RHBDD1: variants seen among roughly 807,000 people sequenced by gnomAD.
RHBDD1 encodes rhomboid-related protein 4.
Under a neutral mutation model 36.3 loss-of-function variants are expected in RHBDD1, and 38 were observed. The observed-to-expected ratio is 1.05, with a 90% confidence interval of 0.81 to 1.37. The LOEUF is 1.37. RHBDD1 is among the 40% of genes most tolerant of loss of function. The pLI is 0.00. For synonymous variants in RHBDD1, 151 were observed against 136.5 expected (o/e 1.11, Z -0.74); for missense variants, 393 against 377.6 (o/e 1.04, Z -0.34).
At chr2:226,821,052 C>T in the RHBDD1 span, among the ~76,000 whole-genome samples, 379 of 152,236 alleles carry the variant, frequency 2.5e-3, 5 homozygotes, top group African/African-American at 8.7e-3. Flanking sequence ...CTTTTTTCCA[C>T]CCAAAGCAGA....
chr2:226,842,643 A>G (rs1000649881), intron 3 of RHBDD1, among the ~76,000 whole-genome samples: 3 of 152,072 alleles, frequency 2.0e-5, no homozygotes, highest in Non-Finnish European at 2.9e-5. Context: ...CCATCTGTCT[A>G]TGTATCTGTT....
intron 8 of RHBDD1, among the ~76,000 whole-genome samples, chr2:226,930,628 AAAAT>A (rs946736772): frequency 1.3e-4 from 20 of 152,244 alleles, no homozygotes; most frequent in Non-Finnish European, 1.5e-5. Flanking sequence ...AACAAAAACA[AAAAT>A]AAATAAATGG....
the RHBDD1 span, among the ~76,000 whole-genome samples, chr2:226,802,891 T>C: frequency 6.6e-6 from 1 of 152,218 alleles, no homozygotes; most frequent in Non-Finnish European, 1.5e-5. Flanking sequence ...AGCTTTAAAA[T>C]TGAGTTATTG....
chr2:226,991,980 C>T (rs906477130), intron 8 of RHBDD1, among the ~76,000 whole-genome samples: 8 of 152,170 alleles, frequency 5.3e-5, no homozygotes, highest in Admixed American at 6.5e-5. Context: ...CATGGGGACA[C>T]CTCCTACCAC....
At chr2:226,865,692 C>T (rs1269909443) in intron 4 of RHBDD1, among the ~76,000 whole-genome samples, 3 of 152,162 alleles carry the variant, frequency 2.0e-5, no homozygotes, top group Non-Finnish European at 4.4e-5. Context: ...AAATAAGGAA[C>T]CCCAAAGAGG....
intron 7 of RHBDD1, among the ~76,000 whole-genome samples, chr2:226,912,497 G>C (rs1265830033): frequency 1.3e-5 from 2 of 152,080 alleles, no homozygotes; most frequent in African/African-American, 4.8e-5. Context: ...TGTGGTATAA[G>C]CCATACAGTG....
In RHBDD1 at chr2:226,908,076, A is replaced by G. The variant is rs150922598; in HGVS notation, c.656-746A>G. The G allele has an allele frequency of 2.6e-5, 4 of 152,358 alleles. No individual in the cohort carries two copies. The East Asian group carries it at 7.7e-4, about 29-fold the overall frequency. The allele number at this position is 152,358 out of a possible 1,614,324, so 9.4% of individuals were successfully genotyped here. A position where few individuals can be genotyped will look rare whatever the true frequency, so the allele number is the denominator to read the frequency against. Reference sequence around the variant, plus strand: ...ATAATATTTAAACTCTTAGTTTTAAAAGCCTTAAAAAATAAGTGGTGACTT... The same window carrying G: ...ATAATATTTAAACTCTTAGTTTTAAGAGCCTTAAAAAATAAGTGGTGACTT... On this transcript the variant is annotated intron_variant, in intron 6 of 8. Coordinates refer to ENST00000392062, the MANE Select transcript of RHBDD1 (RefSeq NM_001167608.3).
intron 8 of RHBDD1, among the ~76,000 whole-genome samples, chr2:226,953,951 G>T (rs1371788265): frequency 6.6e-6 from 1 of 152,126 alleles, no homozygotes; most frequent in Non-Finnish European, 1.5e-5. Context: ...CTCACATGTG[G>T]GAAGAGGGTG....
the RHBDD1 span, among the ~76,000 whole-genome samples, chr2:226,825,294 G>A: frequency 5.6e-4 from 85 of 151,882 alleles, no homozygotes; most frequent in African/African-American, 1.9e-3. Flanking sequence ...CAGAAGTGGC[G>A]GTTGCAGATG....
chr2:226,903,742 A>T (rs1947791721), intron 5 of RHBDD1, among the ~76,000 whole-genome samples: 1 of 152,164 alleles, frequency 6.6e-6, no homozygotes, highest in African/African-American at 2.4e-5. Context: ...GGGAACAGGC[A>T]TTCCTGTTTT....
At chr2:226,853,137 A>G (rs1443570680) in intron 3 of RHBDD1, among the ~76,000 whole-genome samples, 4 of 152,086 alleles carry the variant, frequency 2.6e-5, no homozygotes, top group Non-Finnish European at 5.9e-5. Flanking sequence ...ATGGATGTTG[A>G]GCTAAAATGA....
rs761511526 is a variant in RHBDD1, at chr2:226,914,362, T to C, written c.856+11T>C. The C allele has an allele frequency of 1.2e-6, 2 of 1,608,646 alleles. No homozygotes were observed. Among genetic ancestry groups the C allele is most frequent in the East Asian group, 4.5e-5 (2 of 44,784 alleles). On this transcript the variant is annotated intron_variant, in intron 8 of 8. Transcript: ENST00000392062. ...GCCTCTGGGACCGAGGTAGGAGTCTTGCGCCCTTCAGTTATTTTAAAGCAT... is the reference window on the plus strand; with the variant it reads ...GCCTCTGGGACCGAGGTAGGAGTCTCGCGCCCTTCAGTTATTTTAAAGCAT...
At chr2:226,991,700 A>G (rs1005550799) in intron 8 of RHBDD1, among the ~76,000 whole-genome samples, 5 of 152,156 alleles carry the variant, frequency 3.3e-5, no homozygotes, top group African/African-American at 1.2e-4. Flanking sequence ...TTTTATAGAT[A>G]AGGAAACTAA....
chr2:226,859,767 A>C (rs573738610), intron 3 of RHBDD1, among the ~76,000 whole-genome samples: 20 of 152,290 alleles, frequency 1.3e-4, no homozygotes, highest in Admixed American at 8.5e-4. Context: ...TGATATAAGC[A>C]TACAGTTATG....
In RHBDD1 at chr2:226,935,639, T is replaced by A. The variant is rs562723649; in HGVS notation, c.856+21288T>A. 1.9e-3 allele frequency among the ~76,000 whole-genome samples: 290 copies of A among 152,206 alleles called. 3 individuals are homozygous for A. The highest frequency in any genetic ancestry group is 3.4e-3 in the Middle Eastern group (1 of 294). On this transcript the variant is annotated intron_variant, in intron 8 of 8. Coordinates refer to ENST00000392062, the MANE Select transcript of RHBDD1 (RefSeq NM_001167608.3). ...TCTGATCAGATCTCAGTTTTATTTT[T>A]TTTTTTTATAATGAAGGAATCGAAT...
At chr2:226,894,993 G>A (rs1487438982) in intron 5 of RHBDD1, among the ~76,000 whole-genome samples, 2 of 152,218 alleles carry the variant, frequency 1.3e-5, no homozygotes, top group Non-Finnish European at 2.9e-5. Context: ...CTTAGCGTTG[G>A]TGAGTGGCTA....
upstream of RHBDD1, among the ~76,000 whole-genome samples, chr2:226,832,202 C>G (rs1456934191): frequency 6.6e-6 from 1 of 152,224 alleles, no homozygotes; most frequent in East Asian, 1.9e-4. Flanking sequence ...TTTTCACTTT[C>G]ATTCATTTCA....
chr2:226,863,260 AC>A (rs1357263688), intron 3 of RHBDD1, among the ~76,000 whole-genome samples: 1 of 152,176 alleles, frequency 6.6e-6, no homozygotes, highest in Non-Finnish European at 1.5e-5. Flanking sequence ...AATCATTTGC[AC>A]CCAGGAGGTG....
chr2:226,906,162 ACT>A (rs1431775582), intron 5 of RHBDD1, among the ~76,000 whole-genome samples: 7 of 152,232 alleles, frequency 4.6e-5, no homozygotes, highest in African/African-American at 1.7e-4. Context: ...GAGTTAAACC[ACT>A]GTCATGCCCT....
Sources: allele counts gnomAD v4.1 joint callset (sites outside exome capture counted in the v4.1 genomes callset), GRCh38; gene constraint gnomAD v4.1.1; transcripts MANE v1.5; gene names NCBI Gene and HGNC (gene_info 2026-07-23, HGNC 2026-07-21).